LIMD1: variants seen among roughly 807,000 people sequenced by gnomAD.
LIMD1 encodes LIM domain-containing protein 1.
Under a neutral mutation model 58.4 loss-of-function variants are expected in LIMD1, and 23 were observed. The observed-to-expected ratio is 0.39, with a 90% CI of 0.28 to 0.56. The LOEUF (loss-of-function observed/expected upper bound fraction) is 0.56, where lower values mean the gene tolerates loss of function less well. Among genes scored for constraint, LIMD1 ranks in the 20% least tolerant of loss-of-function variants. The pLI, the probability that LIMD1 is intolerant of heterozygous loss-of-function variation, is 0.57. For missense variants in LIMD1, 838 were observed against 855.5 expected (o/e 0.98, Z 0.25); for synonymous variants, 334 against 345.5 (o/e 0.97, Z 0.37).
At chr3:45,601,878 G>T (rs1701416644) in intron 1 of LIMD1, among the ~76,000 whole-genome samples, 1 of 151,920 alleles carries the variant, frequency 6.6e-6, no homozygotes, top group Non-Finnish European at 1.5e-5. Flanking sequence ...CCCACGTACT[G>T]TAGGGAGCTT....
At chr3:45,645,087 T>C (rs1487601059) in intron 2 of LIMD1, among the ~76,000 whole-genome samples, 1 of 152,214 alleles carries the variant, frequency 6.6e-6, no homozygotes, top group Non-Finnish European at 1.5e-5. Context: ...AGTGGGCAGA[T>C]GCTAAAGGAA....
In LIMD1 at chr3:45,684,247, G is replaced by A. The variant is rs923250559; in HGVS notation, c.*7188G>A. ...ACTGCCACCACTTGGTCACATACATGTCCCTCCAACTAATCCTAGCTCTCA... is the reference window on the plus strand; with the variant it reads ...ACTGCCACCACTTGGTCACATACATATCCCTCCAACTAATCCTAGCTCTCA... On this transcript the variant is annotated 3_prime_UTR_variant, in exon 8 of 8. Coordinates refer to ENST00000273317, the MANE Select transcript of LIMD1 (RefSeq NM_014240.3). The A allele has an allele frequency of 5.9e-5, 9 of 152,266 alleles. No homozygotes were observed. Among genetic ancestry groups the A allele is most frequent in the Non-Finnish European group, 8.8e-5 (6 of 68,066 alleles). 9.4% of individuals were successfully genotyped at this position (152,266 alleles called of 1,614,324 possible). A position where few individuals can be genotyped will look rare whatever the true frequency, so the allele number is the denominator to read the frequency against.
At chr3:45,645,967 T>C (rs563173582) in intron 2 of LIMD1, among the ~76,000 whole-genome samples, 65 of 152,000 alleles carry the variant, frequency 4.3e-4, no homozygotes, top group African/African-American at 1.5e-3. Flanking sequence ...ATTGCATTTA[T>C]TGCAGTGAGC....
chr3:45,632,061 A>C (rs61481846), intron 1 of LIMD1, among the ~76,000 whole-genome samples: 113 of 152,350 alleles, frequency 7.4e-4, no homozygotes, highest in African/African-American at 2.6e-3. Context: ...GAGGTTAAAC[A>C]AAGAGGCCAC....
chr3:45,665,737 C>T lies in LIMD1; in HGVS notation c.1578+20C>T, dbSNP rs1278936384. 5 of 1,610,618 alleles carry T rather than the reference C, an allele frequency of 3.1e-6. No individual in the cohort carries two copies. The East Asian group carries it at 1.1e-4, about 36-fold the overall frequency. On this transcript the variant is annotated intron_variant, in intron 3 of 7. Coordinates refer to ENST00000273317, the MANE Select transcript of LIMD1 (RefSeq NM_014240.3). ...TTCCTGGTGAGTGTGTCACCGAAGC[C>T]TCCCCTTGCATGTCCTGGCCAGAGT...
chr3:45,595,779 C>G lies in LIMD1; in HGVS notation c.900C>G (p.Pro300=), dbSNP rs1701340945. 3 of 1,614,018 alleles carry G rather than the reference C, an allele frequency of 1.9e-6. No homozygotes were observed. Among genetic ancestry groups the G allele is most frequent in the African/African-American group, 2.7e-5 (2 of 74,952 alleles). ...CCAGGACCCCTTCTGTGTCAGCACC[C>G]TTGGCCCTGAGCTGCCCCAGGCAAG... The part of the protein sequence containing the change: ...VQPRTPSVSA[P]LALSCPRQGG... Residue 300 remains proline, a synonymous_variant, in exon 1 of 8, where the codon CCC becomes CCG. Transcript: ENST00000273317.
intron 4 of LIMD1, among the ~76,000 whole-genome samples, chr3:45,670,035 A>T (rs992542959): frequency 8.5e-5 from 13 of 152,112 alleles, no homozygotes; most frequent in African/African-American, 3.1e-4. Context: ...GCCCTATTAG[A>T]GCCATGTCCT....
intron 2 of LIMD1, among the ~76,000 whole-genome samples, chr3:45,655,576 T>A (rs1302478877): frequency 6.6e-6 from 1 of 152,198 alleles, no homozygotes; most frequent in Non-Finnish European, 1.5e-5. Flanking sequence ...GTCCCTGGAC[T>A]AGCACCATCA....
intron 1 of LIMD1, among the ~76,000 whole-genome samples, chr3:45,623,919 A>G (rs1374283751): frequency 2.0e-5 from 3 of 152,166 alleles, no homozygotes; most frequent in Non-Finnish European, 4.4e-5. Context: ...AGAAGTGGGA[A>G]TTTGATATGC....
chr3:45,614,770 T>TTC (rs1350238730), intron 1 of LIMD1, among the ~76,000 whole-genome samples: 1 of 143,926 alleles, frequency 6.9e-6, no homozygotes, highest in East Asian at 1.9e-4. Context: ...TCCTGGGTGT[T>TTC]TTTTTTTTTT....
At chr3:45,647,098 A>G (rs577965166) in intron 2 of LIMD1, among the ~76,000 whole-genome samples, 3 of 152,348 alleles carry the variant, frequency 2.0e-5, no homozygotes, top group South Asian at 2.1e-4. Context: ...AAAATCACCT[A>G]TAATTCAATA....
intron 1 of LIMD1, among the ~76,000 whole-genome samples, chr3:45,615,159 A>G (rs914000052): frequency 2.1e-4 from 32 of 152,338 alleles, no homozygotes; most frequent in Middle Eastern, 3.4e-3. Context: ...AGCAGTGGCA[A>G]AACATACATG....
chr3:45,627,094 G>C (rs1701674585), intron 1 of LIMD1, among the ~76,000 whole-genome samples: 1 of 152,096 alleles, frequency 6.6e-6, no homozygotes. Context: ...ACCTTCTTCT[G>C]GGGCCACTCC....
At chr3:45,608,569 G>A (rs1024688100) in intron 1 of LIMD1, among the ~76,000 whole-genome samples, 1 of 152,274 alleles carries the variant, frequency 6.6e-6, no homozygotes, top group East Asian at 1.9e-4. Flanking sequence ...CGCTGGGCAC[G>A]TGGCTCACAC....
At chr3:45,616,102 A>G (rs1173265628) in intron 1 of LIMD1, among the ~76,000 whole-genome samples, 2 of 152,104 alleles carry the variant, frequency 1.3e-5, no homozygotes, top group Non-Finnish European at 2.9e-5. Context: ...GGTTTAAGAA[A>G]CTTTCTGGGA....
chr3:45,595,428 C>T lies in LIMD1; in HGVS notation c.549C>T (p.Leu183=). Residue 183 remains leucine (L), a synonymous_variant, in exon 1 of 8, where the codon CTC becomes CTT. Transcript: ENST00000273317. The stretch of plus-strand genomic sequence containing the variant: ...CTCATGGAGACTATTATGACAACCT[C>T]TCCTTGGCAAGCCCAAAGTGGGGTG... The part of the protein sequence containing the change: ...CLTHGDYYDN[L]SLASPKWGDK... 2 of 1,614,096 alleles carry T rather than the reference C, an allele frequency of 1.2e-6. No homozygotes were observed. The highest frequency in any genetic ancestry group is 2.2e-5 in the South Asian group (2 of 91,068).
At chr3:45,625,859 G>A (rs575283801) in intron 1 of LIMD1, among the ~76,000 whole-genome samples, 9 of 152,272 alleles carry the variant, frequency 5.9e-5, no homozygotes, top group African/African-American at 1.4e-4. Context: ...ACTCAGTCTC[G>A]GGTATTCCAT....
In LIMD1 at chr3:45,628,327, GA is replaced by G. The variant is rs374455580; in HGVS notation, c.1409-7815del. On this transcript the variant is annotated intron_variant, in intron 1 of 7. Transcript: ENST00000273317. Reference sequence around the variant, plus strand: ...GTATAAGAAGTTCTCATAACAGTAAGAAAAAAAACAGGCAAAAGATTTGGGC... The same window carrying G: ...GTATAAGAAGTTCTCATAACAGTAAGAAAAAAACAGGCAAAAGATTTGGGC... Among the ~76,000 whole-genome samples the G allele has an allele frequency of 3.7e-3, 560 of 151,926 alleles. 5 individuals carry two copies. The highest frequency in any genetic ancestry group is 0.013 in the African/African-American group (541 of 41,456).
intron 2 of LIMD1, among the ~76,000 whole-genome samples, chr3:45,660,369 C>A (rs1025781788): frequency 3.5e-5 from 5 of 144,564 alleles, no homozygotes; most frequent in Non-Finnish European, 6.0e-5. Flanking sequence ...AATAGTTTTG[C>A]TTACTGGTTG....
Sources: allele counts gnomAD v4.1 joint callset (sites outside exome capture counted in the v4.1 genomes callset), GRCh38; gene constraint gnomAD v4.1.1; transcripts MANE v1.5; gene names NCBI Gene and HGNC (gene_info 2026-07-23, HGNC 2026-07-21).